ZC3H12D: variants seen among roughly 807,000 people sequenced by gnomAD.
ZC3H12D encodes zinc finger CCCH-type containing 12D, also known as probable ribonuclease ZC3H12D.
Under a neutral mutation model 24.2 loss-of-function variants are expected in ZC3H12D, and 11 were observed. That is an observed-to-expected ratio of 0.46 (90% CI 0.29 to 0.75). The LOEUF (loss-of-function observed/expected upper bound fraction) is 0.75, where lower values mean the gene tolerates loss of function less well. Among genes scored for constraint, ZC3H12D ranks in the 30% least tolerant of loss-of-function variants. The pLI is 0.11. For synonymous variants in ZC3H12D, 333 were observed against 341.8 expected, an observed-to-expected ratio of 0.97 and a Z score of 0.28; for missense variants, 740 against 767.7, an observed-to-expected ratio of 0.96 and a Z score of 0.43.
At chr6:149,481,130 A>G (rs531854727) in intron 1 of ZC3H12D, among the ~76,000 whole-genome samples, 1 of 151,878 alleles carries the variant, frequency 6.6e-6, no homozygotes, top group African/African-American at 2.4e-5. Flanking sequence ...CACCCAGAAC[A>G]TCTGCATCAC....
intron 2 of ZC3H12D, among the ~76,000 whole-genome samples, chr6:149,467,848 C>T (rs1776184601): frequency 6.6e-6 from 1 of 152,162 alleles, no homozygotes; most frequent in African/African-American, 2.4e-5. Context: ...GAATAGTAAC[C>T]CACAGTTTAA....
intron 2 of ZC3H12D, among the ~76,000 whole-genome samples, chr6:149,462,920 T>C (rs886555361): frequency 5.3e-5 from 8 of 152,324 alleles, no homozygotes; most frequent in Middle Eastern, 3.4e-3. Flanking sequence ...TTTTGGGCCT[T>C]GGACTGGCTT....
intron 1 of ZC3H12D, among the ~76,000 whole-genome samples, chr6:149,476,517 T>C (rs1477083659): frequency 6.7e-6 from 1 of 149,074 alleles, no homozygotes; most frequent in Non-Finnish European, 1.5e-5. Flanking sequence ...AAAAAAAAAA[T>C]GCATTTTTGG....
At chr6:149,466,024 T>C (rs1037025826) in intron 2 of ZC3H12D, among the ~76,000 whole-genome samples, 1 of 152,068 alleles carries the variant, frequency 6.6e-6, no homozygotes, top group African/African-American at 2.4e-5. Context: ...TGGAGGAACA[T>C]GACTTGGAGG....
rs1775806737 is a variant in ZC3H12D, at chr6:149,447,678, A to G, written c.*3005T>C. 1 of 152,258 alleles carries G rather than the reference A, an allele frequency of 6.6e-6. No homozygotes were observed. The highest frequency in any genetic ancestry group is 1.5e-5 in the Non-Finnish European group (1 of 68,048). 9.4% of individuals were successfully genotyped at this position (152,258 alleles called of 1,614,324 possible). A position where few individuals can be genotyped will look rare whatever the true frequency, so the allele number is the denominator to read the frequency against. Reference sequence around the variant, plus strand: ...AAGCATGGTTAACAGCTATGCAACTAGGAACATTTCATTTACCTGTCCCAT... The same window carrying G: ...AAGCATGGTTAACAGCTATGCAACTGGGAACATTTCATTTACCTGTCCCAT... On this transcript the variant is annotated 3_prime_UTR_variant, in exon 6 of 6. Transcript: ENST00000409806.
In ZC3H12D at chr6:149,461,921, C is replaced by A; in HGVS notation, c.355G>T (p.Asp119Tyr). The A allele has an allele frequency of 6.2e-7, 1 of 1,611,428 alleles. No homozygotes were observed. Among genetic ancestry groups the A allele is most frequent in the South Asian group, 1.1e-5 (1 of 90,128 alleles). ...FSCRGIKLAV[D>Y]WFRDRGHTYI... Reference sequence around the variant, plus strand: ...GTGTGTCCTCTGTCCCTGAACCAGTCAACAGCCAGCTTGATTCCCCGGCAA... The same window carrying A: ...GTGTGTCCTCTGTCCCTGAACCAGTAAACAGCCAGCTTGATTCCCCGGCAA... The change falls in exon 3 of 6, where the codon GAC (aspartate) becomes TAC (tyrosine). Residue 119 changes from aspartate to tyrosine, a missense_variant. By Grantham distance (160) the Asp-to-Tyr change is radical (BLOSUM62 -3). Transcript: ENST00000409806.
chr6:149,461,237 A>G (rs1156687547), intron 3 of ZC3H12D, among the ~76,000 whole-genome samples: 2 of 151,720 alleles, frequency 1.3e-5, no homozygotes, highest in African/African-American at 4.8e-5. Context: ...GCTACTTGGG[A>G]GGCTGAGGCA....
chr6:149,478,201 T>C (rs1776371463), intron 1 of ZC3H12D, among the ~76,000 whole-genome samples: 1 of 151,582 alleles, frequency 6.6e-6, no homozygotes, highest in Non-Finnish European at 1.5e-5. Flanking sequence ...TTTATAATAA[T>C]GCTAAGATGT....
chr6:149,472,668 C>G (rs1776264024), intron 2 of ZC3H12D, among the ~76,000 whole-genome samples: 1 of 152,080 alleles, frequency 6.6e-6, no homozygotes, highest in South Asian at 2.1e-4. Flanking sequence ...ACAAAACCCT[C>G]CACCACCCCA....
Position 149,450,523 on chromosome 6 carries a change from A to C in ZC3H12D, c.*160T>G, listed in dbSNP as rs76605937. The C allele has an allele frequency of 1.3e-6, 1 of 797,312 alleles. No homozygotes were observed. The highest frequency in any genetic ancestry group is 1.8e-5 in the African/African-American group (1 of 55,962). 49.4% of individuals were successfully genotyped at this position (797,312 alleles called of 1,614,324 possible). On this transcript the variant is annotated 3_prime_UTR_variant, in exon 6 of 6. Coordinates refer to ENST00000409806, the MANE Select transcript of ZC3H12D (RefSeq NM_207360.3). ...GATCACCAAGTGCCACCAGGCCCCCACAACCCCGCTCAGGAGGAGGAAGCA... is the reference window on the plus strand; with the variant it reads ...GATCACCAAGTGCCACCAGGCCCCCCCAACCCCGCTCAGGAGGAGGAAGCA...
At chr6:149,474,195 A>G (rs1162999386) in intron 2 of ZC3H12D, 44 bp downstream of exon 2, 3 of 1,431,576 alleles carry the variant, frequency 2.1e-6, no homozygotes, top group African/African-American at 1.4e-5. Context: ...GCTCCTGCGA[A>G]CAGGGGCCTC....
At position 149,449,816 on chromosome 6, in the gene ZC3H12D, T is replaced by G. The variant is rs1775854453; in HGVS notation, c.*867A>C. ...CTCAGCTGGTACAGTAGAAAGCCTA[T>G]TCTGGAAACTGCCATGATGGATGGC... On this transcript the variant is annotated 3_prime_UTR_variant, in exon 6 of 6. Coordinates refer to ENST00000409806, the MANE Select transcript of ZC3H12D (RefSeq NM_207360.3). The G allele has an allele frequency of 6.6e-6, 1 of 152,140 alleles. No homozygotes were observed. The highest frequency in any genetic ancestry group is 2.1e-4 in the South Asian group (1 of 4,816). 9.4% of individuals were successfully genotyped at this position (152,140 alleles called of 1,614,324 possible).
chr6:149,460,862 G>A (rs1021770007), intron 3 of ZC3H12D, among the ~76,000 whole-genome samples: 5 of 151,856 alleles, frequency 3.3e-5, no homozygotes, highest in African/African-American at 4.8e-5. Context: ...AAACTAGCTG[G>A]GTGTGGTGAT....
intron 3 of ZC3H12D, among the ~76,000 whole-genome samples, chr6:149,458,111 CT>C (rs57317596): frequency 0.038 from 3,023 of 80,148 alleles, 77 homozygotes; most frequent in South Asian, 0.14. Flanking sequence ...CTTTCTTTTT[CT>C]TTTTTTTTTT....
chr6:149,460,656 C>G (rs1776057859), intron 3 of ZC3H12D, among the ~76,000 whole-genome samples: 1 of 151,984 alleles, frequency 6.6e-6, no homozygotes, highest in African/African-American at 2.4e-5. Flanking sequence ...ATGATGAAAC[C>G]CCATCTCTAA....
At chr6:149,453,128 C>CAAAAAAA (rs59814309) in intron 4 of ZC3H12D, among the ~76,000 whole-genome samples, 9 of 106,098 alleles carry the variant, frequency 8.5e-5, no homozygotes, top group Non-Finnish European at 1.4e-4. Context: ...CTACAGAAAG[C>CAAAAAAA]AAAAAAAAAA....
intron 2 of ZC3H12D, among the ~76,000 whole-genome samples, chr6:149,467,110 C>T (rs1470165363): frequency 6.6e-6 from 1 of 152,098 alleles, no homozygotes; most frequent in Non-Finnish European, 1.5e-5. Context: ...GAGCCCACTC[C>T]CCAGCACACA....
At chr6:149,453,974 C>T (rs949888770) in intron 4 of ZC3H12D, among the ~76,000 whole-genome samples, 5 of 152,216 alleles carry the variant, frequency 3.3e-5, no homozygotes, top group African/African-American at 1.2e-4. Flanking sequence ...CCGTGCCAAA[C>T]ACAGCTCTGG....
chr6:149,464,803 T>C (rs566324340), intron 2 of ZC3H12D, among the ~76,000 whole-genome samples: 31 of 152,204 alleles, frequency 2.0e-4, no homozygotes, highest in African/African-American at 5.8e-4. Context: ...CAGGCATAAC[T>C]GACATGGTCT....
Sources: gnomAD v4.1 joint callset for allele counts (sites outside exome capture counted in the v4.1 genomes callset) on GRCh38, gnomAD v4.1.1 for gene constraint, MANE v1.5 for transcripts, NCBI Gene and HGNC (gene_info 2026-07-23, HGNC 2026-07-21) for gene names.